The following RAB38 variants were observed in gnomAD, a reference collection of about 807,000 sequenced individuals.
RAB38 encodes the protein RAB38, member RAS oncogene family, also known as ras-related protein Rab-38.
RAB38 carries 15 observed loss-of-function variants against 18.4 expected under a neutral mutation model. That is an observed-to-expected ratio of 0.82 (90% CI 0.55 to 1.26). The LOEUF (loss-of-function observed/expected upper bound fraction) is 1.26. Among genes scored for constraint, RAB38 ranks in the 50% most tolerant of loss-of-function variants. RAB38 has a pLI of 0.00. For missense variants in RAB38, 294 were observed against 267.4 expected, an observed-to-expected ratio of 1.10 and a Z score of -0.69; for synonymous variants, 101 against 104.4, an observed-to-expected ratio of 0.97 and a Z score of 0.20.
chr11:87,804,671 G>A, the RAB38 span, among the ~76,000 whole-genome samples: 40 of 152,046 alleles, frequency 2.6e-4, no homozygotes, highest in African/African-American at 9.4e-4. Flanking sequence ...CCTTTCTTAT[G>A]GTGCCCTCCA....
the RAB38 span, among the ~76,000 whole-genome samples, chr11:88,085,013 A>G: frequency 1.3e-5 from 2 of 151,904 alleles, no homozygotes; most frequent in Non-Finnish European, 2.9e-5. Context: ...GGGTAATTCG[A>G]TAAGAGTTTA....
chr11:88,052,280 G>GT, the RAB38 span, among the ~76,000 whole-genome samples: 4 of 152,158 alleles, frequency 2.6e-5, no homozygotes, highest in Non-Finnish European at 5.9e-5. Flanking sequence ...ATTAAAATAT[G>GT]TAACAGTCTC....
chr11:87,822,426 T>C, the RAB38 span, among the ~76,000 whole-genome samples: 1 of 152,314 alleles, frequency 6.6e-6, no homozygotes, highest in South Asian at 2.1e-4. Flanking sequence ...GGGAATGTCT[T>C]TGCAGATGGT....
chr11:88,106,854 G>A, the RAB38 span, among the ~76,000 whole-genome samples: 42 of 152,106 alleles, frequency 2.8e-4, 2 homozygotes, highest in Non-Finnish European at 7.4e-5. Flanking sequence ...ATTCCAAGAA[G>A]CCAATGTTTT....
chr11:87,914,524 G>A, the RAB38 span, among the ~76,000 whole-genome samples: 195 of 152,220 alleles, frequency 1.3e-3, no homozygotes, highest in African/African-American at 4.6e-3. Flanking sequence ...ATGACCTAGA[G>A]GTAGAATTTA....
At chr11:88,055,652 T>A in the RAB38 span, among the ~76,000 whole-genome samples, 2 of 152,086 alleles carry the variant, frequency 1.3e-5, no homozygotes, top group South Asian at 4.1e-4. Flanking sequence ...ACATGGACTA[T>A]TTAAAAAACA....
the RAB38 span, among the ~76,000 whole-genome samples, chr11:88,022,210 T>C: frequency 1.3e-5 from 2 of 151,814 alleles, no homozygotes; most frequent in African/African-American, 4.8e-5. Context: ...ATCAATGTGA[T>C]AGATCATATC....
the RAB38 span, among the ~76,000 whole-genome samples, chr11:88,039,719 G>A: frequency 4.6e-5 from 7 of 152,178 alleles, no homozygotes; most frequent in African/African-American, 1.7e-4. Flanking sequence ...ATGAGAATGG[G>A]CATGTGGCTG....
chr11:87,938,616 T>C, the RAB38 span, among the ~76,000 whole-genome samples: 1 of 114,784 alleles, frequency 8.7e-6, no homozygotes, highest in Non-Finnish European at 1.7e-5. Flanking sequence ...GTTGCTCTTT[T>C]CCGTTTTTTT....
At chr11:87,813,499 T>TCACACACACACACACA in the RAB38 span, among the ~76,000 whole-genome samples, 3 of 146,956 alleles carry the variant, frequency 2.0e-5, no homozygotes, top group South Asian at 2.2e-4. Flanking sequence ...ATCATACACA[T>TCACACACACACACACA]CACACACACA....
At chr11:88,146,154 C>T (rs1481204925) in intron 2 of RAB38, among the ~76,000 whole-genome samples, 1 of 152,190 alleles carries the variant, frequency 6.6e-6, no homozygotes, top group Non-Finnish European at 1.5e-5. Flanking sequence ...TGAAAACTCT[C>T]ATGGAAAGTT....
At chr11:87,918,458 C>G in the RAB38 span, among the ~76,000 whole-genome samples, 1 of 152,122 alleles carries the variant, frequency 6.6e-6, no homozygotes, top group Admixed American at 6.6e-5. Context: ...AACTTCCAAA[C>G]TGTTTCCCAT....
chr11:88,153,071 C>T (rs1300401734), intron 1 of RAB38, among the ~76,000 whole-genome samples: 3 of 152,184 alleles, frequency 2.0e-5, no homozygotes, highest in African/African-American at 7.2e-5. Context: ...ATAATGGCTG[C>T]GGGAACTATT....
At chr11:87,908,741 T>C in the RAB38 span, among the ~76,000 whole-genome samples, 1 of 151,912 alleles carries the variant, frequency 6.6e-6, no homozygotes, top group Non-Finnish European at 1.5e-5. Flanking sequence ...TGAACAGGAA[T>C]GTTTGGGAAG....
the RAB38 span, among the ~76,000 whole-genome samples, chr11:87,890,915 A>AAAT: frequency 6.6e-6 from 1 of 151,896 alleles, no homozygotes; most frequent in Non-Finnish European, 1.5e-5. Context: ...TTGTTAAAAA[A>AAAT]AATATTCGTA....
At chr11:88,168,233 A>G (rs1943267631) in intron 1 of RAB38, among the ~76,000 whole-genome samples, 1 of 152,182 alleles carries the variant, frequency 6.6e-6, no homozygotes, top group Non-Finnish European at 1.5e-5. Flanking sequence ...TTAAATTGCA[A>G]ATATTGCTTT....
At chr11:88,027,675 C>T in the RAB38 span, among the ~76,000 whole-genome samples, 9 of 131,534 alleles carry the variant, frequency 6.8e-5, no homozygotes, top group African/African-American at 1.3e-4. Flanking sequence ...GGGGGAGGGG[C>T]GCCCGCCATT....
chr11:87,949,913 G>A, the RAB38 span, among the ~76,000 whole-genome samples: 3 of 152,272 alleles, frequency 2.0e-5, no homozygotes, highest in South Asian at 4.1e-4. Flanking sequence ...GGTCTGCTTG[G>A]TGCAGAACTG....
the RAB38 span, among the ~76,000 whole-genome samples, chr11:87,868,842 A>G: frequency 0.3 from 45,487 of 151,090 alleles, 8,842 homozygotes; most frequent in African/African-American, 0.54. Flanking sequence ...CAGGAGAATT[A>G]CCTCCCACAA....
Sources: gnomAD v4.1 joint callset for allele counts (sites outside exome capture counted in the v4.1 genomes callset) on GRCh38, gnomAD v4.1.1 for gene constraint, MANE v1.5 for transcripts, NCBI Gene and HGNC (gene_info 2026-07-23, HGNC 2026-07-21) for gene names.